NRXN1: variants seen among roughly 807,000 people sequenced by gnomAD.
NRXN1 encodes the protein neurexin 1.
In NRXN1, 39 loss-of-function variants were observed where a neutral mutation model predicts 150.9. The observed-to-expected ratio is 0.26, with a 90% confidence interval of 0.20 to 0.34. The LOEUF is 0.34. Ranked by LOEUF, NRXN1 falls within the 10% of genes least tolerant of loss-of-function variation. The pLI, the probability that NRXN1 is intolerant of heterozygous loss-of-function variation, is 1.00. For missense variants in NRXN1, 1,815 were observed against 1,949.9 expected, an observed-to-expected ratio of 0.93 and a Z score of 1.30; for synonymous variants, 924 against 757.0, an observed-to-expected ratio of 1.22 and a Z score of -3.62.
At chr2:50,454,837 T>C (rs1285293077) in intron 17 of NRXN1, among the ~76,000 whole-genome samples, 3 of 152,024 alleles carry the variant, frequency 2.0e-5, no homozygotes, top group Admixed American at 6.6e-5. Context: ...CTTATACACA[T>C]AAAAAGACAA....
At chr2:50,138,214 T>C (rs1412883816) in intron 18 of NRXN1, among the ~76,000 whole-genome samples, 1 of 152,200 alleles carries the variant, frequency 6.6e-6, no homozygotes, top group African/African-American at 2.4e-5. Context: ...AGTTAATAAA[T>C]TCAGTTGGAA....
chr2:50,529,147 C>T (rs115321796), intron 11 of NRXN1, among the ~76,000 whole-genome samples: 1,803 of 152,284 alleles, frequency 0.012, 36 homozygotes, highest in African/African-American at 0.041. Flanking sequence ...TCTTATCTTA[C>T]CCTAAGGGTT....
chr2:50,645,223 A>C (rs1290065543), intron 5 of NRXN1, among the ~76,000 whole-genome samples: 1 of 151,874 alleles, frequency 6.6e-6, no homozygotes, highest in Non-Finnish European at 1.5e-5. Context: ...GATGTTGAAA[A>C]TCATGTAAAA....
At chr2:50,241,218 C>CAAA (rs201711583) in intron 17 of NRXN1, among the ~76,000 whole-genome samples, 37 of 144,384 alleles carry the variant, frequency 2.6e-4, no homozygotes, top group African/African-American at 5.7e-4. Flanking sequence ...TAGCATAATG[C>CAAA]AAAAAAAAAA....
intron 15 of NRXN1, among the ~76,000 whole-genome samples, chr2:50,487,560 T>C (rs1261528068): frequency 6.6e-6 from 1 of 152,220 alleles, no homozygotes; most frequent in African/African-American, 2.4e-5. Context: ...ATTTAGCTTT[T>C]GAGCATTTCT....
chr2:50,909,544 G>A (rs1479236396), intron 5 of NRXN1, among the ~76,000 whole-genome samples: 1 of 151,926 alleles, frequency 6.6e-6, no homozygotes, highest in African/African-American at 2.4e-5. Flanking sequence ...CTAGTAAATT[G>A]CTATTCACTT....
At chr2:50,517,091 C>T (rs889480488) in intron 12 of NRXN1, among the ~76,000 whole-genome samples, 4 of 152,078 alleles carry the variant, frequency 2.6e-5, no homozygotes, top group African/African-American at 9.7e-5. Context: ...TTCTGCATGC[C>T]TCAGTATCCT....
intron 2 of NRXN1, among the ~76,000 whole-genome samples, chr2:51,007,754 T>C (rs1339091340): frequency 1.3e-5 from 2 of 151,922 alleles, no homozygotes; most frequent in African/African-American, 2.4e-5. Context: ...AGCTAAATTG[T>C]GGACAAATAC....
chr2:50,829,047 CA>C (rs1670986587), intron 5 of NRXN1, among the ~76,000 whole-genome samples: 1 of 152,110 alleles, frequency 6.6e-6, no homozygotes, highest in South Asian at 2.1e-4. Context: ...GCCAACACAG[CA>C]AAACCCCGTC....
intron 5 of NRXN1, among the ~76,000 whole-genome samples, chr2:50,736,078 T>C (rs1253968942): frequency 6.6e-6 from 1 of 152,182 alleles, no homozygotes; most frequent in African/African-American, 2.4e-5. Context: ...TGACTTGGTC[T>C]TGAAACAAAA....
chr2:50,809,995 A>G (rs1465885508), intron 5 of NRXN1, among the ~76,000 whole-genome samples: 2 of 152,332 alleles, frequency 1.3e-5, no homozygotes, highest in East Asian at 1.9e-4. Context: ...TGAACCTACT[A>G]GTATACGCCT....
At chr2:50,254,989 G>C (rs72820815) in intron 17 of NRXN1, among the ~76,000 whole-genome samples, 21,584 of 151,854 alleles carry the variant, frequency 0.14, 1,766 homozygotes, top group African/African-American at 0.21. Flanking sequence ...GTATTTTTTT[G>C]TTGAGATGTG....
At chr2:50,278,726 G>A (rs1307206687) in intron 17 of NRXN1, among the ~76,000 whole-genome samples, 1 of 152,008 alleles carries the variant, frequency 6.6e-6, no homozygotes, top group African/African-American at 2.4e-5. Context: ...TGTCCAAAAC[G>A]GTCCAGGATA....
chr2:50,294,418 T>C (rs549650266), intron 17 of NRXN1, among the ~76,000 whole-genome samples: 5 of 152,178 alleles, frequency 3.3e-5, no homozygotes, highest in Non-Finnish European at 5.9e-5. Context: ...TATTCTGTTA[T>C]AAAAATAAAA....
intron 17 of NRXN1, among the ~76,000 whole-genome samples, chr2:50,292,739 G>A (rs1300346624): frequency 6.6e-6 from 1 of 152,132 alleles, no homozygotes; most frequent in Non-Finnish European, 1.5e-5. Context: ...CAAAGAATCT[G>A]CCAATGTTCA....
chr2:50,232,055 A>G (rs2064991139), intron 18 of NRXN1, among the ~76,000 whole-genome samples: 1 of 152,114 alleles, frequency 6.6e-6, no homozygotes, highest in African/African-American at 2.4e-5. Flanking sequence ...CAAATACTAT[A>G]CAAGTAAGAA....
chr2:50,406,593 T>G (rs767442907), intron 17 of NRXN1, among the ~76,000 whole-genome samples: 1 of 152,156 alleles, frequency 6.6e-6, no homozygotes, highest in African/African-American at 2.4e-5. Flanking sequence ...AGGTAGGATC[T>G]GAGTGGAAAG....
intron 5 of NRXN1, among the ~76,000 whole-genome samples, chr2:50,810,920 C>A (rs1668130523): frequency 6.6e-6 from 1 of 151,582 alleles, no homozygotes; most frequent in South Asian, 2.1e-4. Flanking sequence ...GCGGTGATTG[C>A]AGTGAGCTGA....
At chr2:50,304,766 G>A (rs1439442611) in intron 17 of NRXN1, among the ~76,000 whole-genome samples, 6 of 152,074 alleles carry the variant, frequency 3.9e-5, no homozygotes, top group African/African-American at 1.2e-4. Flanking sequence ...TTCAATGCAT[G>A]CTAAATAAAT....
Sources: allele counts gnomAD v4.1 joint callset (sites outside exome capture counted in the v4.1 genomes callset), GRCh38; gene constraint gnomAD v4.1.1; transcripts MANE v1.5; gene names NCBI Gene and HGNC (gene_info 2026-07-23, HGNC 2026-07-21).